The following MLF1 variants were observed in gnomAD, a reference collection of about 807,000 sequenced individuals.
MLF1 encodes the protein myeloid leukemia factor 1, also known as myelodysplasia-myeloid leukemia factor 1.
Under a neutral mutation model 38.3 loss-of-function variants are expected in MLF1, and 37 were observed. The ratio of observed to expected loss-of-function variants is 0.96; its 90% CI spans 0.74 to 1.27. The LOEUF (loss-of-function observed/expected upper bound fraction) is 1.27. Ranked by LOEUF, MLF1 falls within the 50% of genes most tolerant of loss-of-function variation. The probability of loss-of-function intolerance (pLI) is 0.00; values close to 1 mark genes in which losing one functional copy is unlikely to be tolerated. For missense variants in MLF1, 331 were observed against 349.2 expected (o/e 0.95, Z 0.42); for synonymous variants, 95 against 106.5 (o/e 0.89, Z 0.66).
chr3:158,584,823 A>C (rs1716981153), intron 1 of MLF1, among the ~76,000 whole-genome samples: 2 of 152,006 alleles, frequency 1.3e-5, no homozygotes, highest in African/African-American at 4.8e-5. Context: ...AAATACACTA[A>C]TACTAGTGAT....
In MLF1 at chr3:158,582,755, T is replaced by C. The variant is rs533500314; in HGVS notation, c.48-9679T>C. 138 of 559,702 alleles carry C rather than the reference T, an allele frequency of 2.5e-4. 2 individuals carry two copies. In the South Asian group the frequency reaches 3.1e-3, roughly 12 times the overall value. The allele number at this position is 559,702 out of a possible 1,614,324, so 34.7% of individuals were successfully genotyped here. Reference sequence around the variant, plus strand: ...TTCTGTATCCTGCAAAATTATCCTTTAAAAGTCAAGAAGAAATAGACTGTC... The same window carrying C: ...TTCTGTATCCTGCAAAATTATCCTTCAAAAGTCAAGAAGAAATAGACTGTC... On this transcript the variant is annotated intron_variant, in intron 1 of 7. Transcript: ENST00000466246.
chr3:158,592,702 T>C, intron 2 of MLF1, 121 bp downstream of exon 2: 8 of 807,868 alleles, frequency 9.9e-6, no homozygotes. Context: ...TAGAAATCAC[T>C]ATTATATAAA....
chr3:158,582,448 A>AC (rs1328871424), intron 1 of MLF1, among the ~76,000 whole-genome samples: 1 of 152,166 alleles, frequency 6.6e-6, no homozygotes, highest in African/African-American at 2.4e-5. Flanking sequence ...ACTAAGAATT[A>AC]CCCCAAATTA....
chr3:158,576,088 T>G (rs1417152726), intron 1 of MLF1, among the ~76,000 whole-genome samples: 1 of 152,214 alleles, frequency 6.6e-6, no homozygotes, highest in Non-Finnish European at 1.5e-5. Context: ...TTTCAATGTT[T>G]ACCTTATTAT....
intron 7 of MLF1, among the ~76,000 whole-genome samples, chr3:158,603,706 C>G (rs1720119387): frequency 6.6e-6 from 1 of 152,008 alleles, no homozygotes; most frequent in Non-Finnish European, 1.5e-5. Flanking sequence ...GGTGTGGTAG[C>G]ACACACCCTG....
At chr3:158,605,067 G>T in intron 7 of MLF1, 30 bp from the exon 8 acceptor site, 2 of 1,472,838 alleles carry the variant, frequency 1.4e-6, no homozygotes, top group Non-Finnish European at 1.9e-6. Context: ...TTTTTTAAAT[G>T]ATATTAATAT....
At chr3:158,582,051 A>C (rs916753077) in intron 1 of MLF1, among the ~76,000 whole-genome samples, 1 of 152,034 alleles carries the variant, frequency 6.6e-6, no homozygotes, top group Admixed American at 6.6e-5. Flanking sequence ...GTGGTGGTGC[A>C]TGCCTGTAAT....
intron 7 of MLF1, among the ~76,000 whole-genome samples, chr3:158,604,674 A>G (rs533215698): frequency 6.6e-6 from 1 of 151,848 alleles, no homozygotes; most frequent in East Asian, 1.9e-4. Flanking sequence ...GTTTTAGGGC[A>G]GGGGGTACAG....
Position 158,598,201 on chromosome 3 carries a change from CAGG to C in MLF1, c.452_453+1del. ...GCCTCAACTCAAACTCGTCGAGCTC[CAGG>C]AGGAGTAAGTTTTCTATAAGCATTC... is the stretch of plus-strand genomic sequence containing the variant. On this transcript the variant is annotated inframe_deletion, in exon 5 of 8. Transcript: ENST00000466246. 2 of 1,612,230 alleles carry C rather than the reference CAGG, an allele frequency of 1.2e-6. No individual in the cohort carries two copies. Among genetic ancestry groups the C allele is most frequent in the Non-Finnish European group, 8.5e-7 (1 of 1,179,556 alleles).
rs946927391 is a variant in MLF1, at chr3:158,585,041, AAAAAAAAAAAAAAAG to A, written c.48-7387_48-7373del. 2.1e-4 allele frequency among the ~76,000 whole-genome samples: 31 copies of A among 144,836 alleles called. 1 individual carries two copies. In the East Asian group the frequency reaches 4.2e-3, roughly 20 times the overall value. On this transcript the variant is annotated intron_variant, in intron 1 of 7. Coordinates refer to ENST00000466246, the MANE Select transcript of MLF1 (RefSeq NM_001369783.1). Reference sequence around the variant, plus strand: ...AGACAGAGCAAGACTCTGTCTGAAAAAAAAAAAAAAAAAAGAAAAAGAAAAAGAAAAATACCTTGC... The same window carrying A: ...AGACAGAGCAAGACTCTGTCTGAAAAAAAAAGAAAAAGAAAAATACCTTGC...
intron 7 of MLF1, 106 bp from the exon 8 acceptor site, chr3:158,604,991 G>A: frequency 5.8e-6 from 5 of 863,714 alleles, no homozygotes; most frequent in Non-Finnish European, 8.8e-6. Flanking sequence ...GAATTTTTAA[G>A]ATAAAACTTT....
chr3:158,597,566 T>G (rs1719069349), intron 4 of MLF1, among the ~76,000 whole-genome samples: 1 of 152,172 alleles, frequency 6.6e-6, no homozygotes, highest in South Asian at 2.1e-4. Flanking sequence ...GTCATCCAGT[T>G]TGAATTCTAT....
At chr3:158,574,522 A>T (rs971699895) in intron 1 of MLF1, among the ~76,000 whole-genome samples, 1 of 146,016 alleles carries the variant, frequency 6.8e-6, no homozygotes, top group Admixed American at 6.8e-5. Context: ...AAAAAAAAAA[A>T]AAAAATACAA....
intron 1 of MLF1, among the ~76,000 whole-genome samples, chr3:158,584,322 A>G (rs1453487659): frequency 1.3e-5 from 2 of 152,222 alleles, no homozygotes; most frequent in African/African-American, 2.4e-5. Context: ...AATGAACTAA[A>G]TGGAGATTTG....
intron 1 of MLF1, among the ~76,000 whole-genome samples, chr3:158,587,547 C>T (rs1717415385): frequency 6.6e-6 from 1 of 152,154 alleles, no homozygotes; most frequent in Admixed American, 6.5e-5. Flanking sequence ...CAATGCATTG[C>T]CATCAAAGTT....
At chr3:158,598,674 T>C (rs994313342) in intron 5 of MLF1, among the ~76,000 whole-genome samples, 14 of 152,300 alleles carry the variant, frequency 9.2e-5, no homozygotes, top group African/African-American at 3.1e-4. Flanking sequence ...ATAACATTTT[T>C]CTCTATTTGC....
In MLF1 at chr3:158,591,400, T is replaced by C. The variant is rs181147782; in HGVS notation, c.48-1034T>C. ...GTCTTGAACTCCCGACCTCAAGCAA[T>C]CCACCTGACTCAGCCTCCCAAAGTG... is the stretch of plus-strand genomic sequence containing the variant. On this transcript the variant is annotated intron_variant, in intron 1 of 7. Transcript: ENST00000466246. Among the ~76,000 whole-genome samples, 780 of 152,046 alleles carry C rather than the reference T, an allele frequency of 5.1e-3. 7 individuals carry two copies. The highest frequency in any genetic ancestry group is 0.018 in the African/African-American group (753 of 41,440).
chr3:158,604,827 C>G (rs1217638291), intron 7 of MLF1, among the ~76,000 whole-genome samples: 2 of 151,814 alleles, frequency 1.3e-5, no homozygotes. Context: ...CCCAGCTAAT[C>G]TTTGTATTTT....
At chr3:158,571,495 C>A (rs1293935853) in intron 1 of MLF1, 148 bp downstream of exon 1, 1 of 901,552 alleles carries the variant, frequency 1.1e-6, no homozygotes. Context: ...GATTTGGAGG[C>A]CTGGGAGGGA....
Sources: gnomAD v4.1 joint callset for allele counts (sites outside exome capture counted in the v4.1 genomes callset) on GRCh38, gnomAD v4.1.1 for gene constraint, MANE v1.5 for transcripts, NCBI Gene and HGNC (gene_info 2026-07-23, HGNC 2026-07-21) for gene names.